ANKS1B: variants seen among roughly 807,000 people sequenced by gnomAD.
ANKS1B encodes ankyrin repeat and sterile alpha motif domain containing 1B.
Under a neutral mutation model 148.3 loss-of-function variants are expected in ANKS1B, and 36 were observed. That is an observed-to-expected ratio of 0.24 (90% CI 0.19 to 0.32). The LOEUF (loss-of-function observed/expected upper bound fraction) is 0.32, where lower values mean the gene tolerates loss of function less well. Among genes scored for constraint, ANKS1B ranks in the 10% least tolerant of loss-of-function variants. The pLI is 1.00. For missense variants in ANKS1B, 1,157 were observed against 1,542.6 expected, an observed-to-expected ratio of 0.75 and a Z score of 4.19; for synonymous variants, 542 against 560.8, an observed-to-expected ratio of 0.97 and a Z score of 0.47.
chr12:99,924,352 ACTCAAGGAATTGTT>A (rs2094436187), intron 1 of ANKS1B, among the ~76,000 whole-genome samples: 2 of 152,198 alleles, frequency 1.3e-5, no homozygotes, highest in Non-Finnish European at 2.9e-5. Context: ...GGATGACATT[ACTCAAGGAATTGTT>A]CTCAAGATAT....
chr12:99,354,686 A>G (rs2152402323), intron 12 of ANKS1B, among the ~76,000 whole-genome samples: 1 of 152,162 alleles, frequency 6.6e-6, no homozygotes, highest in East Asian at 1.9e-4. Context: ...AAACACCCAT[A>G]ATATTAACAT....
chr12:99,479,698 T>G (rs1325869888), intron 10 of ANKS1B, among the ~76,000 whole-genome samples: 3 of 151,206 alleles, frequency 2.0e-5, no homozygotes, highest in African/African-American at 4.9e-5. Flanking sequence ...AAGCAGGGAG[T>G]AGAATAATGG....
At chr12:99,834,073 TC>T (rs2084440623) in intron 1 of ANKS1B, among the ~76,000 whole-genome samples, 1 of 151,946 alleles carries the variant, frequency 6.6e-6, no homozygotes, top group South Asian at 2.1e-4. Context: ...ACCCAAACCC[TC>T]CAACTAAAAA....
intron 1 of ANKS1B, among the ~76,000 whole-genome samples, chr12:99,931,632 G>C (rs2094617853): frequency 6.6e-6 from 1 of 152,046 alleles, no homozygotes; most frequent in Non-Finnish European, 1.5e-5. Flanking sequence ...AAGGTTTGTG[G>C]AAAAGAATGT....
intron 8 of ANKS1B, among the ~76,000 whole-genome samples, chr12:99,748,501 G>C (rs1303635261): frequency 6.6e-6 from 1 of 150,782 alleles, no homozygotes; most frequent in Non-Finnish European, 1.5e-5. Context: ...ACATTATTTT[G>C]TTTCTTATCA....
chr12:99,492,426 A>T (rs965370701), intron 10 of ANKS1B, among the ~76,000 whole-genome samples: 18 of 152,318 alleles, frequency 1.2e-4, no homozygotes, highest in Middle Eastern at 6.8e-3. Context: ...TAACAACCAA[A>T]AAAAGCCTAT....
chr12:98,782,834 AAGAG>A (rs2098750619), intron 22 of ANKS1B, among the ~76,000 whole-genome samples: 1 of 152,116 alleles, frequency 6.6e-6, no homozygotes, highest in African/African-American at 2.4e-5. Flanking sequence ...GATTGCCAAA[AAGAG>A]AGATTATGAA....
At position 99,307,964 on chromosome 12, in the gene ANKS1B, A is replaced by C. The variant is rs12580865; in HGVS notation, c.1757-61100T>G. 3.5e-3 allele frequency among the ~76,000 whole-genome samples: 526 copies of C among 152,168 alleles called. 32 individuals are homozygous for C. The East Asian group carries it at 0.083, about 24-fold the overall frequency. Reference sequence around the variant, plus strand: ...GTCTTTTCTATGGAGGACTCCCTCGACTAATAGTTCAAACAACACAACATC... The same window carrying C: ...GTCTTTTCTATGGAGGACTCCCTCGCCTAATAGTTCAAACAACACAACATC... On this transcript the variant is annotated intron_variant, in intron 12 of 26. Coordinates refer to ENST00000683438, the MANE Select transcript of ANKS1B (RefSeq NM_001352186.2).
At chr12:98,879,207 A>AAACTTCAT (rs1285186449) in intron 17 of ANKS1B, among the ~76,000 whole-genome samples, 1 of 152,248 alleles carries the variant, frequency 6.6e-6, no homozygotes, top group Non-Finnish European at 1.5e-5. Context: ...TAAGTACAGG[A>AAACTTCAT]AACTTCATAA....
At chr12:98,921,239 G>A (rs1355462141) in intron 17 of ANKS1B, among the ~76,000 whole-genome samples, 1 of 151,984 alleles carries the variant, frequency 6.6e-6, no homozygotes, top group African/African-American at 2.4e-5. Flanking sequence ...ACAAGTTAGA[G>A]TATACACCAT....
chr12:99,144,770 G>C (rs1424130148), intron 15 of ANKS1B, among the ~76,000 whole-genome samples: 1 of 152,008 alleles, frequency 6.6e-6, no homozygotes, highest in African/African-American at 2.4e-5. Context: ...AATCAAATAT[G>C]ACTGGTGCAT....
intron 8 of ANKS1B, among the ~76,000 whole-genome samples, chr12:99,725,282 C>T (rs1193528348): frequency 1.3e-5 from 2 of 152,138 alleles, no homozygotes; most frequent in Middle Eastern, 3.2e-3. Context: ...CAAAGACATA[C>T]ATAGGCTCAA....
At chr12:99,122,762 A>G (rs2063212544) in intron 15 of ANKS1B, among the ~76,000 whole-genome samples, 1 of 152,084 alleles carries the variant, frequency 6.6e-6, no homozygotes, top group Admixed American at 6.6e-5. Flanking sequence ...ACATCTTTTA[A>G]TAAGAAATAT....
intron 10 of ANKS1B, among the ~76,000 whole-genome samples, chr12:99,493,928 C>T (rs533739957): frequency 5.3e-5 from 8 of 151,978 alleles, no homozygotes; most frequent in Admixed American, 1.3e-4. Flanking sequence ...TAACAGAAGC[C>T]GTACTATAGA....
intron 17 of ANKS1B, among the ~76,000 whole-genome samples, chr12:98,895,880 AT>A (rs1209192505): frequency 2.6e-5 from 4 of 152,146 alleles, no homozygotes; most frequent in Admixed American, 6.5e-5. Context: ...TTAAAATCCC[AT>A]TTTTTTCCCC....
At chr12:99,799,668 G>T (rs1049748098) in intron 4 of ANKS1B, among the ~76,000 whole-genome samples, 1 of 152,004 alleles carries the variant, frequency 6.6e-6, no homozygotes, top group African/African-American at 2.4e-5. Flanking sequence ...AGTGAGTAAG[G>T]TAAGTAAAGG....
intron 9 of ANKS1B, among the ~76,000 whole-genome samples, chr12:99,597,038 A>G (rs2097763908): frequency 6.6e-6 from 1 of 151,954 alleles, no homozygotes; most frequent in Admixed American, 6.6e-5. Context: ...ATGCAATTTT[A>G]TATTTCTACC....
At chr12:99,243,543 T>A (rs1010187528) in intron 14 of ANKS1B, among the ~76,000 whole-genome samples, 4 of 152,154 alleles carry the variant, frequency 2.6e-5, no homozygotes, top group African/African-American at 9.7e-5. Flanking sequence ...ACCTAAAGGA[T>A]CATAAATCAT....
Position 99,517,672 on chromosome 12 carries a change from C to T in ANKS1B, c.1273-13031G>A, listed in dbSNP as rs906086495. Among the ~76,000 whole-genome samples, 25 of 151,814 alleles carry T rather than the reference C, an allele frequency of 1.6e-4. 1 individual carries two copies. Among genetic ancestry groups the T allele is most frequent in the African/African-American group, 6.0e-4 (25 of 41,354 alleles). ...TGAATATATATAGCCAACAAGAATA[C>T]TTTGACTTCTACCTTTCCAATTTGG... On this transcript the variant is annotated intron_variant, in intron 9 of 26. Transcript: ENST00000683438.
Sources: allele counts gnomAD v4.1 joint callset (sites outside exome capture counted in the v4.1 genomes callset), GRCh38; gene constraint gnomAD v4.1.1; transcripts MANE v1.5; gene names NCBI Gene and HGNC (gene_info 2026-07-23, HGNC 2026-07-21).